Variants in ATP2B2 observed in about 807,000 individuals in gnomAD.
The protein encoded by ATP2B2 is ATPase plasma membrane Ca2+ transporting 2, also known as plasma membrane calcium-transporting ATPase 2.
In ATP2B2, 15 loss-of-function variants were observed where a neutral mutation model predicts 120.0. That is an observed-to-expected ratio of 0.12 (90% CI 0.08 to 0.19). The LOEUF is 0.19. ATP2B2 is among the 10% of genes least tolerant of loss of function. The pLI is 1.00. For missense variants in ATP2B2, 1,045 were observed against 1,719.8 expected, an observed-to-expected ratio of 0.61 and a Z score of 6.94; for synonymous variants, 694 against 700.3, an observed-to-expected ratio of 0.99 and a Z score of 0.14.
chr3:10,328,555 T>A lies in ATP2B2; in HGVS notation c.*259A>T. 2 of 467,966 alleles carry A rather than the reference T, an allele frequency of 4.3e-6. No homozygotes were observed. Among genetic ancestry groups the A allele is most frequent in the African/African-American group, 2.0e-5 (1 of 50,998 alleles). 29.0% of individuals were successfully genotyped at this position (467,966 alleles called of 1,614,324 possible). A position where few individuals can be genotyped will look rare whatever the true frequency, so the allele number is the denominator to read the frequency against. On this transcript the variant is annotated 3_prime_UTR_variant, in exon 23 of 23. Transcript: ENST00000360273. ...TGTCTGGGTGGGAGCCAGGAAGGGC[T>A]TGTTTTGGGAAAACCGCTCACTCCC...
At chr3:10,575,274 T>C (rs2068218931) in intron 2 of ATP2B2, among the ~76,000 whole-genome samples, 1 of 152,164 alleles carries the variant, frequency 6.6e-6, no homozygotes. Context: ...GCAAGAAGGC[T>C]GAGCCTGAGG....
At chr3:10,589,154 A>T (rs1011567114) in intron 2 of ATP2B2, among the ~76,000 whole-genome samples, 1 of 152,262 alleles carries the variant, frequency 6.6e-6, no homozygotes, top group South Asian at 2.1e-4. Context: ...TTGCTGGCAG[A>T]GCAACACATG....
chr3:10,541,264 T>C (rs2067433524), intron 2 of ATP2B2, among the ~76,000 whole-genome samples: 1 of 152,198 alleles, frequency 6.6e-6, no homozygotes, highest in East Asian at 1.9e-4. Flanking sequence ...TTTTCAACTT[T>C]ATCGATTTCT....
At chr3:10,460,338 C>T (rs1388603131) in intron 1 of ATP2B2, among the ~76,000 whole-genome samples, 3 of 152,182 alleles carry the variant, frequency 2.0e-5, no homozygotes, top group Non-Finnish European at 4.4e-5. Flanking sequence ...TCCTCAAGGG[C>T]ACAGTGCTGA....
chr3:10,328,790 G>A lies in ATP2B2; in HGVS notation c.*24C>T, dbSNP rs746290924. 2.5e-6 allele frequency: 4 copies of A among 1,585,738 alleles called. No homozygotes were observed. In the South Asian group the frequency reaches 4.6e-5, roughly 18 times the overall value. ...GTGGCAGCGGGGTCCATGAGGGCGG[G>A]CGGGCAGGCGAGAGGGTCCTCAGCT... On this transcript the variant is annotated 3_prime_UTR_variant, in exon 23 of 23. Transcript: ENST00000360273.
intron 2 of ATP2B2, among the ~76,000 whole-genome samples, chr3:10,573,309 T>C (rs2068169800): frequency 6.6e-6 from 1 of 152,192 alleles, no homozygotes; most frequent in Non-Finnish European, 1.5e-5. Context: ...AATCAGTGAT[T>C]TTGCTGCTGA....
At chr3:10,689,945 C>A (rs1348558840) in intron 1 of ATP2B2, among the ~76,000 whole-genome samples, 1 of 152,174 alleles carries the variant, frequency 6.6e-6, no homozygotes, top group African/African-American at 2.4e-5. Flanking sequence ...GAGCAGTGGG[C>A]AGCCACAGAA....
At chr3:10,687,596 C>T (rs1382082165) in intron 1 of ATP2B2, among the ~76,000 whole-genome samples, 1 of 152,190 alleles carries the variant, frequency 6.6e-6, no homozygotes, top group African/African-American at 2.4e-5. Context: ...TGAGGTGGCT[C>T]ATGCCTGTAA....
intron 2 of ATP2B2, among the ~76,000 whole-genome samples, chr3:10,414,717 G>A (rs561447483): frequency 6.6e-6 from 1 of 152,174 alleles, no homozygotes; most frequent in Non-Finnish European, 1.5e-5. Flanking sequence ...TATGGATTGG[G>A]ACAGGGCGAT....
At chr3:10,650,514 C>A (rs1020225775) in intron 1 of ATP2B2, among the ~76,000 whole-genome samples, 4 of 152,128 alleles carry the variant, frequency 2.6e-5, no homozygotes, top group African/African-American at 9.7e-5. Context: ...AATGAAAATC[C>A]CATTTTCTGA....
chr3:10,688,788 A>C (rs989057710), intron 1 of ATP2B2, among the ~76,000 whole-genome samples: 1 of 152,230 alleles, frequency 6.6e-6, no homozygotes, highest in African/African-American at 2.4e-5. Flanking sequence ...ACACTGGACC[A>C]GTGGGATGGA....
chr3:10,379,762 A>AGG (rs1344852925), intron 8 of ATP2B2, among the ~76,000 whole-genome samples: 1 of 150,224 alleles, frequency 6.7e-6, no homozygotes, highest in African/African-American at 2.4e-5. Context: ...GAGAGGGGAG[A>AGG]GGGGGAGAGA....
chr3:10,372,557 T>C (rs1412057236), intron 11 of ATP2B2, among the ~76,000 whole-genome samples: 4 of 152,232 alleles, frequency 2.6e-5, no homozygotes, highest in African/African-American at 9.6e-5. Context: ...AAAGTATTAA[T>C]GTCATTATTG....
intron 3 of ATP2B2, among the ~76,000 whole-genome samples, chr3:10,511,362 A>C (rs945952352): frequency 1.3e-5 from 2 of 152,222 alleles, no homozygotes; most frequent in African/African-American, 4.8e-5. Context: ...CCCCAGGGAC[A>C]GGAAACTGGG....
chr3:10,371,714 T>G, intron 12 of ATP2B2, 95 bp downstream of exon 12: 1 of 1,582,902 alleles, frequency 6.3e-7, no homozygotes. Flanking sequence ...TAGCAGGATT[T>G]GAGACTATGA....
intron 3 of ATP2B2, among the ~76,000 whole-genome samples, chr3:10,528,213 C>A (rs1413038217): frequency 6.6e-6 from 1 of 152,142 alleles, no homozygotes; most frequent in East Asian, 1.9e-4. Context: ...AACTGGCTGG[C>A]ATGGAGCAGC....
chr3:10,438,108 C>T (rs545799287), intron 2 of ATP2B2, among the ~76,000 whole-genome samples: 57 of 152,102 alleles, frequency 3.7e-4, no homozygotes, highest in Non-Finnish European at 6.9e-4. Context: ...TGGCCCATAC[C>T]CACTGTGTGC....
intron 2 of ATP2B2, among the ~76,000 whole-genome samples, chr3:10,569,798 C>G (rs1041479980): frequency 1.6e-4 from 25 of 152,264 alleles, no homozygotes; most frequent in African/African-American, 6.0e-4. Context: ...AACCCTAACA[C>G]CCACTAAAGC....
intron 2 of ATP2B2, among the ~76,000 whole-genome samples, chr3:10,614,722 A>G (rs1559487620): frequency 6.6e-6 from 1 of 152,118 alleles, no homozygotes; most frequent in African/African-American, 2.4e-5. Flanking sequence ...GGGTTCTATG[A>G]GAGGCAGGAT....
Sources: gnomAD v4.1 joint callset for allele counts (sites outside exome capture counted in the v4.1 genomes callset) on GRCh38, gnomAD v4.1.1 for gene constraint, MANE v1.5 for transcripts, NCBI Gene and HGNC (gene_info 2026-07-23, HGNC 2026-07-21) for gene names.